Variants in RBFOX1 observed in about 807,000 individuals in gnomAD.
RBFOX1 encodes the protein RNA binding protein fox-1 homolog 1.
RBFOX1 carries 8 observed loss-of-function variants against 57.7 expected under a neutral mutation model. That is an observed-to-expected ratio of 0.14 (90% CI 0.08 to 0.25). The LOEUF (loss-of-function observed/expected upper bound fraction) is 0.25. Ranked by LOEUF, RBFOX1 falls within the 10% of genes least tolerant of loss-of-function variation. The pLI is 1.00. For synonymous variants in RBFOX1, 326 were observed against 222.4 expected, an observed-to-expected ratio of 1.47 and a Z score of -4.15; for missense variants, 611 against 548.5, an observed-to-expected ratio of 1.11 and a Z score of -1.14.
rs58944956 is a variant in RBFOX1, at chr16:6,476,246, A to G, written c.-64+159189A>G. ...TAGCAAATACTACCCATTTTGTATGATTTCTTCCAGGGGTGTGTGTCTACA... is the reference window on the plus strand; with the variant it reads ...TAGCAAATACTACCCATTTTGTATGGTTTCTTCCAGGGGTGTGTGTCTACA... On this transcript the variant is annotated intron_variant, in intron 2 of 15. Coordinates refer to ENST00000550418, the MANE Select transcript of RBFOX1 (RefSeq NM_018723.4). Among the ~76,000 whole-genome samples, 929 of 152,262 alleles carry G rather than the reference A, an allele frequency of 6.1e-3. 13 individuals carry two copies. Among genetic ancestry groups the G allele is most frequent in the African/African-American group, 0.021 (890 of 41,546 alleles).
intron 2 of RBFOX1, among the ~76,000 whole-genome samples, chr16:6,640,353 A>C (rs1487397816): frequency 6.6e-6 from 1 of 152,126 alleles, no homozygotes; most frequent in Non-Finnish European, 1.5e-5. Flanking sequence ...TCACATCTGT[A>C]ATCCCAGAAC....
intron 3 of RBFOX1, among the ~76,000 whole-genome samples, chr16:6,967,467 T>A (rs1381015697): frequency 6.6e-6 from 1 of 152,074 alleles, no homozygotes; most frequent in African/African-American, 2.4e-5. Flanking sequence ...ATGGGGGCAG[T>A]GGATAGGATA....
At chr16:5,276,660 G>A (rs1567268636) in intron 1 of RBFOX1, among the ~76,000 whole-genome samples, 2 of 152,166 alleles carry the variant, frequency 1.3e-5, no homozygotes, top group Non-Finnish European at 2.9e-5. Context: ...GCGGTTGCCT[G>A]TAATCCCAGC....
intron 1 of RBFOX1, among the ~76,000 whole-genome samples, chr16:6,143,062 A>C (rs143965686): frequency 1.7e-4 from 26 of 152,344 alleles, no homozygotes; most frequent in African/African-American, 6.3e-4. Context: ...TGAGTTCATG[A>C]AATAAATATT....
At chr16:6,737,899 C>A (rs939228906) in intron 3 of RBFOX1, among the ~76,000 whole-genome samples, 1 of 152,020 alleles carries the variant, frequency 6.6e-6, no homozygotes, top group Non-Finnish European at 1.5e-5. Context: ...AGCCATGAAG[C>A]CTAAGTTACA....
At chr16:7,251,152 C>G (rs1054674244) in intron 4 of RBFOX1, among the ~76,000 whole-genome samples, 1 of 152,146 alleles carries the variant, frequency 6.6e-6, no homozygotes, top group Non-Finnish European at 1.5e-5. Flanking sequence ...TCACCAACAT[C>G]TCCCCAACCC....
intron 1 of RBFOX1, among the ~76,000 whole-genome samples, chr16:5,251,252 C>T (rs1222849707): frequency 2.0e-5 from 3 of 152,242 alleles, no homozygotes; most frequent in Non-Finnish European, 4.4e-5. Context: ...CTGCCTTTGC[C>T]TTCTTCAGTT....
At chr16:5,696,369 T>C (rs1255585983) in intron 3 of RBFOX1, among the ~76,000 whole-genome samples, 1 of 152,206 alleles carries the variant, frequency 6.6e-6, no homozygotes, top group Non-Finnish European at 1.5e-5. Context: ...CTGTATAATA[T>C]CTCCCTGTAT....
chr16:7,550,769 C>T (rs1388364753), intron 5 of RBFOX1, among the ~76,000 whole-genome samples: 1 of 152,070 alleles, frequency 6.6e-6, no homozygotes, highest in Non-Finnish European at 1.5e-5. Flanking sequence ...TCAGTATCCA[C>T]AATGACTACC....
At chr16:5,862,844 C>T (rs1261516979) in intron 3 of RBFOX1, among the ~76,000 whole-genome samples, 1 of 152,130 alleles carries the variant, frequency 6.6e-6, no homozygotes, top group Non-Finnish European at 1.5e-5. Context: ...AAGGCACACA[C>T]CACATACTGG....
intron 4 of RBFOX1, among the ~76,000 whole-genome samples, chr16:7,238,007 A>C (rs916632188): frequency 6.6e-6 from 1 of 152,226 alleles, no homozygotes; most frequent in Non-Finnish European, 1.5e-5. Context: ...CTGTCTCAAA[A>C]AAAGAAAAGA....
chr16:5,603,504 C>A (rs993485261), downstream of RBFOX1, among the ~76,000 whole-genome samples: 2 of 152,110 alleles, frequency 1.3e-5, no homozygotes, highest in Admixed American at 6.5e-5. Context: ...TTTCTGGGAA[C>A]CTGTGTCTTA....
chr16:5,933,271 T>G (rs888545671), intron 4 of RBFOX1, among the ~76,000 whole-genome samples: 24 of 152,332 alleles, frequency 1.6e-4, no homozygotes, highest in Middle Eastern at 3.4e-3. Flanking sequence ...GCTCTTGTTA[T>G]TTAGAAAAAG....
intron 1 of RBFOX1, among the ~76,000 whole-genome samples, chr16:5,363,199 A>ATTTTTTTTTTTT (rs533158906): frequency 4.1e-5 from 5 of 121,746 alleles, no homozygotes; most frequent in Admixed American, 8.3e-5. Flanking sequence ...GCCCCTGGCT[A>ATTTTTTTTTTTT]TTTTTTTTTT....
At chr16:6,689,359 C>G (rs2059892890) in intron 3 of RBFOX1, among the ~76,000 whole-genome samples, 1 of 152,086 alleles carries the variant, frequency 6.6e-6, no homozygotes, top group Non-Finnish European at 1.5e-5. Flanking sequence ...TTCACCTCCA[C>G]ATATATTATA....
rs151012218 is a variant in RBFOX1, at chr16:5,260,091, C to T, written c.219+19986C>T. The stretch of plus-strand genomic sequence containing the variant: ...TGGTGCATGCCTATAATCCCAGCTA[C>T]GTGGGAGGCTGAGGCAGGAGAATCG... On this transcript the variant is annotated intron_variant, in intron 1 of 2. Transcript: ENST00000585867. Among the ~76,000 whole-genome samples, 369 of 152,238 alleles carry T rather than the reference C, an allele frequency of 2.4e-3. 2 individuals carry two copies. The highest frequency in any genetic ancestry group is 0.01 in the Middle Eastern group (3 of 294).
intron 1 of RBFOX1, among the ~76,000 whole-genome samples, chr16:5,393,958 T>A (rs2066480849): frequency 6.6e-6 from 1 of 152,334 alleles, no homozygotes; most frequent in East Asian, 1.9e-4. Context: ...CTCATATAAG[T>A]GGAATCATAC....
chr16:6,187,570 A>T (rs1241895521), intron 1 of RBFOX1, among the ~76,000 whole-genome samples: 1 of 152,174 alleles, frequency 6.6e-6, no homozygotes, highest in African/African-American at 2.4e-5. Context: ...AACAGATTGG[A>T]GAAGACCCAG....
At chr16:6,728,534 CAT>C (rs2067776414) in intron 3 of RBFOX1, among the ~76,000 whole-genome samples, 2 of 152,126 alleles carry the variant, frequency 1.3e-5, no homozygotes, top group Admixed American at 6.6e-5. Context: ...GAAGTGGTGA[CAT>C]GTAGCAAACA....
Sources: gnomAD v4.1 joint callset for allele counts (sites outside exome capture counted in the v4.1 genomes callset) on GRCh38, gnomAD v4.1.1 for gene constraint, MANE v1.5 for transcripts, NCBI Gene and HGNC (gene_info 2026-07-23, HGNC 2026-07-21) for gene names.